CFAP161: variants seen among roughly 807,000 people sequenced by gnomAD.
The protein encoded by CFAP161 is cilia and flagella associated protein 161.
Under a neutral mutation model 29.0 loss-of-function variants are expected in CFAP161, and 25 were observed. The ratio of observed to expected loss-of-function variants is 0.86; its 90% CI spans 0.63 to 1.20. The LOEUF (loss-of-function observed/expected upper bound fraction) is 1.20, where lower values mean the gene tolerates loss of function less well. Ranked by LOEUF, CFAP161 falls within the 50% of genes most tolerant of loss-of-function variation. The pLI is 0.00. For synonymous variants in CFAP161, 116 were observed against 137.4 expected, an observed-to-expected ratio of 0.84 and a Z score of 1.09; for missense variants, 367 against 371.9, an observed-to-expected ratio of 0.99 and a Z score of 0.11.
chr15:81,114,149 G>A (rs1331431357), intron 1 of CFAP161, among the ~76,000 whole-genome samples: 1 of 152,114 alleles, frequency 6.6e-6, no homozygotes, highest in Non-Finnish European at 1.5e-5. Flanking sequence ...ACAACATACA[G>A]GCATACCTCA....
intron 1 of CFAP161, among the ~76,000 whole-genome samples, chr15:81,112,960 T>A (rs1438892188): frequency 6.6e-6 from 1 of 152,212 alleles, no homozygotes; most frequent in African/African-American, 2.4e-5. Context: ...TGAGTGCATT[T>A]CTGTTTTAAT....
chr15:81,145,403 A>G (rs77527734), intron 5 of CFAP161, among the ~76,000 whole-genome samples: 3,273 of 152,288 alleles, frequency 0.021, 138 homozygotes, highest in African/African-American at 0.075. Context: ...TACCTACCTC[A>G]TGAGGTTTTG....
At chr15:81,140,320 A>G (rs1894885210) in intron 4 of CFAP161, among the ~76,000 whole-genome samples, 1 of 152,236 alleles carries the variant, frequency 6.6e-6, no homozygotes, top group Non-Finnish European at 1.5e-5. Context: ...TTGCAATTTG[A>G]CTTTTGCTTA....
intron 1 of CFAP161, among the ~76,000 whole-genome samples, chr15:81,108,400 G>A (rs113517643): frequency 1.4e-4 from 21 of 151,818 alleles, no homozygotes; most frequent in African/African-American, 5.1e-4. Context: ...TCAGATGAGT[G>A]TTCCCACAGT....
chr15:81,124,354 G>T (rs544234153), intron 1 of CFAP161, among the ~76,000 whole-genome samples: 1 of 152,188 alleles, frequency 6.6e-6, no homozygotes, highest in African/African-American at 2.4e-5. Context: ...ACATCCTGGG[G>T]ATGAAGCCTA....
At chr15:81,117,472 G>A (rs966143820) in intron 1 of CFAP161, among the ~76,000 whole-genome samples, 6 of 151,832 alleles carry the variant, frequency 4.0e-5, no homozygotes, top group Non-Finnish European at 5.9e-5. Context: ...AATGGAGGAA[G>A]GCAGAATGTC....
At chr15:81,140,462 G>C (rs1013228222) in intron 4 of CFAP161, among the ~76,000 whole-genome samples, 3 of 152,078 alleles carry the variant, frequency 2.0e-5, no homozygotes, top group African/African-American at 7.2e-5. Flanking sequence ...ACAGGTGCAT[G>C]ACATTTCCCT....
At chr15:81,113,902 C>T (rs968350663) in intron 1 of CFAP161, among the ~76,000 whole-genome samples, 1 of 152,180 alleles carries the variant, frequency 6.6e-6, no homozygotes, top group African/African-American at 2.4e-5. Context: ...AAGGGCTCCA[C>T]CCTAAGTTAC....
chr15:81,125,378 A>G (rs916151174), intron 1 of CFAP161, among the ~76,000 whole-genome samples: 4 of 152,264 alleles, frequency 2.6e-5, no homozygotes, highest in African/African-American at 9.6e-5. Context: ...TAAACTGACA[A>G]TATTAAAGTC....
At chr15:81,144,719 C>T (rs930057800) in intron 5 of CFAP161, among the ~76,000 whole-genome samples, 9 of 149,964 alleles carry the variant, frequency 6.0e-5, no homozygotes, top group African/African-American at 2.0e-4. Context: ...CCTGGGAGGT[C>T]GAGGCTGCTG....
intron 4 of CFAP161, among the ~76,000 whole-genome samples, chr15:81,142,181 C>T (rs529692339): frequency 1.1e-4 from 16 of 152,222 alleles, no homozygotes; most frequent in Admixed American, 9.2e-4. Context: ...AGTGCAGCCC[C>T]TCAGCAACCC....
chr15:81,144,795 A>G (rs550813621), intron 5 of CFAP161, among the ~76,000 whole-genome samples: 1 of 151,532 alleles, frequency 6.6e-6, no homozygotes, highest in East Asian at 1.9e-4. Flanking sequence ...AAAAAAAAAA[A>G]AAAAGAAAGA....
intron 4 of CFAP161, among the ~76,000 whole-genome samples, chr15:81,141,249 A>G (rs1894903071): frequency 6.6e-6 from 1 of 152,180 alleles, no homozygotes; most frequent in Admixed American, 6.5e-5. Context: ...CATGGACTTG[A>G]CAATGATTTT....
chr15:81,135,441 T>C, intron 2 of CFAP161, 82 bp downstream of exon 2: 1 of 895,222 alleles, frequency 1.1e-6, no homozygotes, highest in Non-Finnish European at 1.7e-6. Flanking sequence ...TGTATACATA[T>C]GCTATGTTGG....
intron 1 of CFAP161, among the ~76,000 whole-genome samples, chr15:81,121,364 T>C (rs1894570533): frequency 1.3e-5 from 2 of 152,160 alleles, no homozygotes; most frequent in Admixed American, 6.5e-5. Flanking sequence ...ATCTGCTACT[T>C]GCTGGTTCCA....
chr15:81,101,141 A>AC, intron 1 of CFAP161, among the ~76,000 whole-genome samples: 1 of 152,168 alleles, frequency 6.6e-6, no homozygotes, highest in East Asian at 1.9e-4. Context: ...GAAATATTTA[A>AC]CAACCTGCCC....
intron 1 of CFAP161, among the ~76,000 whole-genome samples, chr15:81,106,652 A>G (rs961618241): frequency 6.6e-6 from 1 of 152,236 alleles, no homozygotes; most frequent in Admixed American, 6.5e-5. Flanking sequence ...AGCTGTACCC[A>G]CGAATTGCCA....
chr15:81,106,943 A>G (rs896624472), intron 1 of CFAP161, among the ~76,000 whole-genome samples: 2 of 152,122 alleles, frequency 1.3e-5, no homozygotes, highest in Admixed American at 1.3e-4. Context: ...GTGTGCACCT[A>G]TAGTACTAGC....
intron 2 of CFAP161, among the ~76,000 whole-genome samples, chr15:81,128,590 A>G (rs1260696482): frequency 1.3e-5 from 2 of 152,322 alleles, no homozygotes; most frequent in South Asian, 4.1e-4. Flanking sequence ...GACATCTGCA[A>G]TTACCTCCTC....
Sources: gnomAD v4.1 joint callset for allele counts (sites outside exome capture counted in the v4.1 genomes callset) on GRCh38, gnomAD v4.1.1 for gene constraint, MANE v1.5 for transcripts, NCBI Gene and HGNC (gene_info 2026-07-23, HGNC 2026-07-21) for gene names.